Variants in TTLL7 observed in about 807,000 individuals in gnomAD.
TTLL7 encodes the protein tubulin polyglutamylase TTLL7.
Under a neutral mutation model 120.2 loss-of-function variants are expected in TTLL7, and 53 were observed. That is an observed-to-expected ratio of 0.44 (90% CI 0.35 to 0.55). TTLL7 has a LOEUF of 0.55. Ranked by LOEUF, TTLL7 falls within the 20% of genes least tolerant of loss-of-function variation. TTLL7 has a pLI of 0.00. For synonymous variants in TTLL7, 353 were observed against 351.7 expected (o/e 1.00, Z -0.04); for missense variants, 803 against 1,054.7 (o/e 0.76, Z 3.31).
chr1:83,992,066 A>T (rs1653053964), intron 1 of TTLL7, among the ~76,000 whole-genome samples: 1 of 152,162 alleles, frequency 6.6e-6, no homozygotes, highest in South Asian at 2.1e-4. Flanking sequence ...ATAAATGTTT[A>T]AAAAAGAAAA....
chr1:83,909,156 A>G (rs1006757927), intron 15 of TTLL7, among the ~76,000 whole-genome samples: 1 of 151,414 alleles, frequency 6.6e-6, no homozygotes, highest in Admixed American at 6.6e-5. Context: ...ACTGCACTGT[A>G]GTCCTACTCT....
At chr1:83,956,294 T>C (rs1290078593) in intron 1 of TTLL7, among the ~76,000 whole-genome samples, 1 of 151,086 alleles carries the variant, frequency 6.6e-6, no homozygotes, top group Non-Finnish European at 1.5e-5. Flanking sequence ...ATGTATTTAT[T>C]TATTTATTAT....
rs1237368438 is a variant in TTLL7, at chr1:83,951,962, A to G, written c.40T>C (p.Ser14Pro). 6.2e-7 allele frequency: 1 copy of G among 1,606,834 alleles called. No homozygotes were observed. The highest frequency in any genetic ancestry group is 1.1e-5 in the South Asian group (1 of 88,742). Reference sequence around the variant, plus strand: ...AATTCTGTATTCAAATCCAGGGGAGAGGGTCCCTGAATAACTTTAAAAAAA... The same window carrying G: ...AATTCTGTATTCAAATCCAGGGGAGGGGGTCCCTGAATAACTTTAAAAAAA... ...LPQEGVIQGP[S>P]PLDLNTELPY... Residue 14 changes from serine to proline, a missense_variant, in exon 3 of 21, where the codon TCT (serine) becomes CCT (proline). This residue lies in a region of TTLL7 where 91 missense variants were observed against 96.6 expected (regional missense o/e 0.94). Coordinates refer to ENST00000260505, the MANE Select transcript of TTLL7 (RefSeq NM_024686.6).
chr1:83,894,581 G>A (rs757573942), intron 18 of TTLL7, among the ~76,000 whole-genome samples: 5 of 152,114 alleles, frequency 3.3e-5, no homozygotes, highest in Non-Finnish European at 7.4e-5. Flanking sequence ...TAGCATGACA[G>A]TACCATATTC....
chr1:83,937,085 A>C (rs1647462404), intron 8 of TTLL7, among the ~76,000 whole-genome samples: 3 of 152,214 alleles, frequency 2.0e-5, no homozygotes, highest in Non-Finnish European at 2.9e-5. Flanking sequence ...TGTACAATGC[A>C]TAGCATATTC....
chr1:83,933,532 G>T, intron 9 of TTLL7, 76 bp downstream of exon 9: 1 of 1,456,146 alleles, frequency 6.9e-7, no homozygotes, highest in Non-Finnish European at 9.4e-7. Flanking sequence ...ACTGTGTTAA[G>T]TACACATTTT....
chr1:83,889,088 T>G (rs989532884), intron 19 of TTLL7, among the ~76,000 whole-genome samples: 11 of 152,216 alleles, frequency 7.2e-5, no homozygotes, highest in African/African-American at 2.6e-4. Context: ...AGAGGTTTAA[T>G]TGACTCATAG....
chr1:83,918,298 C>G (rs1349605362), intron 13 of TTLL7, among the ~76,000 whole-genome samples: 1 of 152,116 alleles, frequency 6.6e-6, no homozygotes, highest in African/African-American at 2.4e-5. Context: ...CTGCGTTCTA[C>G]TAGAGTCATA....
At chr1:83,978,296 T>C (rs1303646464) in intron 1 of TTLL7, among the ~76,000 whole-genome samples, 1 of 152,200 alleles carries the variant, frequency 6.6e-6, no homozygotes, top group Non-Finnish European at 1.5e-5. Flanking sequence ...AGCTTTTCTT[T>C]CTCAGCTTCC....
At chr1:83,954,445 C>G (rs1318759152) in intron 1 of TTLL7, among the ~76,000 whole-genome samples, 3 of 152,196 alleles carry the variant, frequency 2.0e-5, no homozygotes, top group Non-Finnish European at 4.4e-5. Flanking sequence ...TTATTCTAAG[C>G]AAGAGATTTG....
At chr1:83,977,304 G>T (rs948156860) in intron 1 of TTLL7, among the ~76,000 whole-genome samples, 2 of 152,004 alleles carry the variant, frequency 1.3e-5, no homozygotes, top group Non-Finnish European at 2.9e-5. Flanking sequence ...AAACTTTGGA[G>T]AATTCCGGAG....
intron 1 of TTLL7, among the ~76,000 whole-genome samples, chr1:83,970,127 TAG>T (rs1304527740): frequency 6.6e-6 from 1 of 152,018 alleles, no homozygotes; most frequent in Non-Finnish European, 1.5e-5. Context: ...AAATAATCTA[TAG>T]GATTGGCTAC....
In TTLL7 at chr1:83,865,041, A is replaced by G. The variant is rs1164113257; in HGVS notation, c.*4921T>C. The G allele has an allele frequency of 6.6e-6, 1 of 150,820 alleles. No individual in the cohort carries two copies. The highest frequency in any genetic ancestry group is 1.5e-5 in the Non-Finnish European group (1 of 67,672). The allele number at this position is 150,820 out of a possible 1,614,324, so 9.3% of individuals were successfully genotyped here. A position where few individuals can be genotyped will look rare whatever the true frequency, so the allele number is the denominator to read the frequency against. On this transcript the variant is annotated 3_prime_UTR_variant, in exon 21 of 21. Transcript: ENST00000260505. ...ACATATTGTAGCTTTCTTAGGTTAA[A>G]CTTTTTTATTATAGTAATGTATCAG...
At chr1:83,941,660 A>T (rs1426821696) in intron 7 of TTLL7, among the ~76,000 whole-genome samples, 1 of 152,220 alleles carries the variant, frequency 6.6e-6, no homozygotes, top group African/African-American at 2.4e-5. Context: ...TGTAATTTTA[A>T]CTATAGTTAG....
At chr1:83,870,665 C>G (rs1019068765) in intron 20 of TTLL7, among the ~76,000 whole-genome samples, 1 of 152,120 alleles carries the variant, frequency 6.6e-6, no homozygotes, top group Admixed American at 6.5e-5. Context: ...AATCCCAGCA[C>G]TTTGGGAGGC....
chr1:83,989,513 A>G (rs1405698940), intron 1 of TTLL7, among the ~76,000 whole-genome samples: 2 of 152,086 alleles, frequency 1.3e-5, no homozygotes, highest in Non-Finnish European at 2.9e-5. Flanking sequence ...TCCCTGGTCT[A>G]TGTGTCTGTT....
intron 1 of TTLL7, among the ~76,000 whole-genome samples, chr1:83,971,304 T>C (rs1231150180): frequency 6.6e-6 from 1 of 152,108 alleles, no homozygotes; most frequent in Non-Finnish European, 1.5e-5. Flanking sequence ...CCAACTATTA[T>C]ATAAACACAT....
intron 20 of TTLL7, among the ~76,000 whole-genome samples, chr1:83,881,632 T>C (rs1654482586): frequency 6.6e-6 from 1 of 151,626 alleles, no homozygotes; most frequent in Non-Finnish European, 1.5e-5. Context: ...ACTTTTACAC[T>C]GTTGGTGGGA....
intron 19 of TTLL7, among the ~76,000 whole-genome samples, chr1:83,888,108 C>A (rs1655115205): frequency 6.6e-6 from 1 of 152,052 alleles, no homozygotes; most frequent in East Asian, 1.9e-4. Flanking sequence ...TCATGGGTAT[C>A]TTTAGGGTCT....
Sources: gnomAD v4.1 joint callset for allele counts (sites outside exome capture counted in the v4.1 genomes callset) on GRCh38, gnomAD v4.1.1 for gene constraint, gnomAD v4.1.1 regional missense constraint, MANE v1.5 for transcripts, NCBI Gene and HGNC (gene_info 2026-07-23, HGNC 2026-07-21) for gene names.